PLXNA4: variants seen among roughly 807,000 people sequenced by gnomAD.
PLXNA4 encodes the protein plexin-A4.
Under a neutral mutation model 191.8 loss-of-function variants are expected in PLXNA4, and 44 were observed. The ratio of observed to expected loss-of-function variants is 0.23; its 90% CI spans 0.18 to 0.29. The LOEUF (loss-of-function observed/expected upper bound fraction) is 0.29. PLXNA4 is among the 10% of genes least tolerant of loss of function. The pLI is 1.00. For missense variants in PLXNA4, 1,800 were observed against 2,488.8 expected, an observed-to-expected ratio of 0.72 and a Z score of 5.89; for synonymous variants, 1,082 against 1,009.5, an observed-to-expected ratio of 1.07 and a Z score of -1.36.
At chr7:132,194,013 T>G in intron 14 of PLXNA4, 49 bp downstream of exon 14, 3 of 1,578,338 alleles carry the variant, frequency 1.9e-6, no homozygotes, top group Non-Finnish European at 2.6e-6. Context: ...ATCATGGTAA[T>G]GAGCTCTGTG....
intron 3 of PLXNA4, among the ~76,000 whole-genome samples, chr7:132,305,044 C>T (rs922946315): frequency 1.3e-5 from 2 of 152,196 alleles, no homozygotes; most frequent in Non-Finnish European, 1.5e-5. Flanking sequence ...CCCCTGGTAC[C>T]CCTGCTCGTG....
At chr7:132,547,440 T>C (rs1775961215) in intron 1 of PLXNA4, among the ~76,000 whole-genome samples, 1 of 152,184 alleles carries the variant, frequency 6.6e-6, no homozygotes, top group African/African-American at 2.4e-5. Flanking sequence ...TCTTTGTATG[T>C]CACTTAACAA....
intron 1 of PLXNA4, among the ~76,000 whole-genome samples, chr7:132,535,117 T>A (rs1799779538): frequency 6.6e-6 from 1 of 152,220 alleles, no homozygotes; most frequent in Non-Finnish European, 1.5e-5. Context: ...ATCATCCATA[T>A]TACAAGCTGC....
intron 4 of PLXNA4, among the ~76,000 whole-genome samples, chr7:132,273,362 G>A (rs992743639): frequency 2.0e-5 from 3 of 151,144 alleles, no homozygotes; most frequent in South Asian, 2.1e-4. Context: ...ACACACGCAC[G>A]CACACGCACA....
chr7:132,574,261 A>C (rs563738558), intron 1 of PLXNA4, among the ~76,000 whole-genome samples: 5 of 152,370 alleles, frequency 3.3e-5, no homozygotes, highest in African/African-American at 9.6e-5. Context: ...CAGGGAAGAC[A>C]CAGACATTTC....
chr7:132,199,742 C>T (rs1436576568), intron 12 of PLXNA4, among the ~76,000 whole-genome samples: 1 of 152,178 alleles, frequency 6.6e-6, no homozygotes, highest in Non-Finnish European at 1.5e-5. Flanking sequence ...ATGGGGGAAG[C>T]AGAAGGAACT....
chr7:132,576,602 G>C, upstream of PLXNA4: 1 of 985,984 alleles, frequency 1.0e-6, no homozygotes, highest in Non-Finnish European at 1.2e-6. The surrounding 1 kb of genome is among the most constrained non-coding windows in gnomAD (Gnocchi z 5.8). Context: ...GGGAGCAGCC[G>C]AGGAACGCGG....
chr7:132,198,476 T>G lies in PLXNA4; in HGVS notation c.2738+9A>C, dbSNP rs371961037. 2.5e-6 allele frequency: 4 copies of G among 1,613,362 alleles called. No individual in the cohort carries two copies. The highest frequency in any genetic ancestry group is 3.4e-6 in the Non-Finnish European group (4 of 1,179,548). On this transcript the variant is annotated intron_variant, in intron 13 of 31. Coordinates refer to ENST00000321063, the MANE Select transcript of PLXNA4 (RefSeq NM_020911.2). ...CTGTTCCTCCTGTGTTGCATGCAGCTTCACTTACTGTTCTGCAGGGATGTA... is the reference window on the plus strand; with the variant it reads ...CTGTTCCTCCTGTGTTGCATGCAGCGTCACTTACTGTTCTGCAGGGATGTA...
intron 24 of PLXNA4, among the ~76,000 whole-genome samples, chr7:132,161,842 G>A (rs1280158338): frequency 2.0e-5 from 3 of 152,150 alleles, no homozygotes; most frequent in Admixed American, 6.5e-5. Flanking sequence ...AGGCTCCCAC[G>A]TGGGTACCCA....
chr7:132,508,329 T>A lies in PLXNA4; in HGVS notation c.365A>T (p.Tyr122Phe). 1 of 1,614,206 alleles carries A rather than the reference T, an allele frequency of 6.2e-7. No individual in the cohort carries two copies. Among genetic ancestry groups the A allele is most frequent in the Non-Finnish European group, 8.5e-7 (1 of 1,180,034 alleles). Reference sequence around the variant, plus strand: ...ACAGGCAATCAGCCTGTTCTCCTTGTAGTCTATGAGGAGCATCTTGTTGAC... The same window carrying A: ...ACAGGCAATCAGCCTGTTCTCCTTGAAGTCTATGAGGAGCATCTTGTTGAC... ...NNVNKMLLID[Y>F]KENRLIACGS... The change falls in exon 2 of 32, where the codon TAC (tyrosine) becomes TTC (phenylalanine). Residue 122 changes from tyrosine to phenylalanine, a missense_variant. Transcript: ENST00000321063. This position sits in a 1 kb window ranked among gnomAD's most constrained non-coding sequence, Gnocchi z 4.4.
chr7:132,170,939 G>A (rs1224099804), intron 21 of PLXNA4, among the ~76,000 whole-genome samples: 1 of 152,230 alleles, frequency 6.6e-6, no homozygotes, highest in Non-Finnish European at 1.5e-5. Context: ...CACAGCCCCT[G>A]CTGGCAAACC....
intron 4 of PLXNA4, among the ~76,000 whole-genome samples, chr7:132,277,049 G>A (rs1360378861): frequency 1.3e-5 from 2 of 152,174 alleles, no homozygotes; most frequent in African/African-American, 4.8e-5. Flanking sequence ...AAGATGGTGG[G>A]ATTGAGAAGA....
chr7:132,345,550 G>A (rs1304018583), intron 3 of PLXNA4, among the ~76,000 whole-genome samples: 1 of 152,150 alleles, frequency 6.6e-6, no homozygotes, highest in African/African-American at 2.4e-5. Context: ...ATAATCCATG[G>A]TTCTAACACA....
At chr7:132,243,163 A>G (rs1022596821) in intron 4 of PLXNA4, among the ~76,000 whole-genome samples, 5 of 152,230 alleles carry the variant, frequency 3.3e-5, no homozygotes, top group Non-Finnish European at 2.9e-5. Context: ...AGTAGACAGA[A>G]TCTTTCAAAA....
chr7:132,567,230 C>T (rs531485968), intron 1 of PLXNA4, among the ~76,000 whole-genome samples: 2 of 152,268 alleles, frequency 1.3e-5, no homozygotes, highest in South Asian at 4.2e-4. Context: ...TCACAGAATG[C>T]TCTTTCCATG....
chr7:132,411,836 T>C (rs1186567034), intron 3 of PLXNA4, among the ~76,000 whole-genome samples: 1 of 152,204 alleles, frequency 6.6e-6, no homozygotes, highest in Non-Finnish European at 1.5e-5. Context: ...TCGATATTTA[T>C]GCTTGGAATG....
chr7:132,636,039 G>A (rs1016145822), intron 2 of PLXNA4, among the ~76,000 whole-genome samples: 3 of 152,210 alleles, frequency 2.0e-5, no homozygotes, highest in African/African-American at 7.2e-5. Flanking sequence ...AGCTTCAGGA[G>A]TGGGCATCCC....
At chr7:132,207,677 T>G (rs1453512411) in intron 10 of PLXNA4, among the ~76,000 whole-genome samples, 1 of 152,244 alleles carries the variant, frequency 6.6e-6, no homozygotes, top group Non-Finnish European at 1.5e-5. Context: ...TGCTCTCCTT[T>G]GAGACCAATT....
chr7:132,195,311 C>G (rs1037378189), intron 13 of PLXNA4, among the ~76,000 whole-genome samples: 1 of 152,158 alleles, frequency 6.6e-6, no homozygotes, highest in African/African-American at 2.4e-5. Flanking sequence ...TTTTCAGCAG[C>G]CTCACAGTAT....
Sources: gnomAD v4.1 joint callset for allele counts (sites outside exome capture counted in the v4.1 genomes callset) on GRCh38, gnomAD v4.1.1 for gene constraint, Gnocchi (gnomAD v3.1) non-coding constraint, MANE v1.5 for transcripts, NCBI Gene and HGNC (gene_info 2026-07-23, HGNC 2026-07-21) for gene names.